The following GPS1 variants were observed in gnomAD, a reference collection of about 807,000 sequenced individuals.
GPS1 encodes the protein COP9 signalosome complex subunit 1.
A neutral mutation model predicts 60.0 loss-of-function variants in GPS1; 11 were observed. That is an observed-to-expected ratio of 0.18 (90% CI 0.12 to 0.30). GPS1 has a LOEUF of 0.30. Ranked by LOEUF, GPS1 falls within the 10% of genes least tolerant of loss-of-function variation. GPS1 has a pLI of 1.00. For synonymous variants in GPS1, 343 were observed against 269.8 expected (o/e 1.27, Z -2.66); for missense variants, 543 against 669.2 (o/e 0.81, Z 2.08).
At chr17:82,052,412 G>A (rs1257135926) in intron 1 of GPS1, 4 of 1,611,546 alleles carry the variant, frequency 2.5e-6, no homozygotes, top group African/African-American at 2.7e-5. Flanking sequence ...CACGGCCGGG[G>A]ACTTCAGCCT....
In GPS1 at chr17:82,056,921, G is replaced by A. The variant is rs879157716; in HGVS notation, c.1336G>A (p.Ala446Thr). Residue 446 changes from alanine to threonine, a missense_variant, in exon 12 of 13, where the codon GCC becomes ACC. Ala to Thr is a moderately conservative substitution (Grantham distance 58, BLOSUM62 0). Coordinates refer to ENST00000578552, the MANE Select transcript of GPS1 (RefSeq NM_001321092.3). ...LLMGKEFQRR[A>T]KAMMLRAAVL... is the part of the protein sequence containing the mutation. ...GATGGGCAAGGAGTTCCAGCGCCGC[G>A]CCAAGGCCATGATGCTGCGGGCAGC... is the stretch of plus-strand genomic sequence containing the variant. The A allele has an allele frequency of 5.6e-6, 9 of 1,612,830 alleles. No individual in the cohort carries two copies. Among genetic ancestry groups the A allele is most frequent in the Non-Finnish European group, 5.9e-6 (7 of 1,179,964 alleles).
At position 82,053,921 on chromosome 17, in the gene GPS1, G is replaced by A; in HGVS notation, c.180G>A (p.Leu60=). 6.2e-7 allele frequency: 1 copy of A among 1,612,880 alleles called. No individual in the cohort carries two copies. Among genetic ancestry groups the A allele is most frequent in the Non-Finnish European group, 8.5e-7 (1 of 1,179,942 alleles). ...SYSGLMRIER[L]QFIADHCPTL... ...GCGGCCTGATGCGCATCGAACGGCTGCAGTTCATTGCTGATCACTGCCCCA... is the reference window on the plus strand; with the variant it reads ...GCGGCCTGATGCGCATCGAACGGCTACAGTTCATTGCTGATCACTGCCCCA... The change falls in exon 3 of 13, where the codon CTG becomes CTA. Residue 60 remains leucine, a synonymous_variant. Coordinates refer to ENST00000578552, the MANE Select transcript of GPS1 (RefSeq NM_001321092.3).
Position 82,054,724 on chromosome 17 carries a change from A to G in GPS1, c.523A>G (p.Ser175Gly), listed in dbSNP as rs770776929. 6.2e-7 allele frequency: 1 copy of G among 1,612,394 alleles called. No homozygotes were observed. The highest frequency in any genetic ancestry group is 2.2e-5 in the East Asian group (1 of 44,884). The change falls in exon 4 of 13, where the codon AGC becomes GGC. Residue 175 changes from serine to glycine, a missense_variant. Physicochemically the swap from Ser to Gly is moderately conservative, Grantham distance 56. Transcript: ENST00000578552. Reference sequence around the variant, plus strand: ...CCACTACCTGGACTGTGGGGACCTCAGCAACGCCCTCAAGTGCTATTCCCG... The same window carrying G: ...CCACTACCTGGACTGTGGGGACCTCGGCAACGCCCTCAAGTGCTATTCCCG... ...GDHYLDCGDL[S>G]NALKCYSRAR...
At chr17:82,052,327 C>T (rs747561442) in intron 1 of GPS1, 2 of 1,613,020 alleles carry the variant, frequency 1.2e-6, no homozygotes, top group African/African-American at 2.7e-5. Context: ...GCTCGGCCCC[C>T]AGCTCGGCCT....
At chr17:82,054,447 C>T in intron 3 of GPS1, 63 bp from the exon 4 acceptor site, 1 of 1,439,176 alleles carries the variant, frequency 6.9e-7, no homozygotes, top group Non-Finnish European at 9.1e-7. Context: ...AGATTGGCGG[C>T]TTCCTCCCCT....
intron 2 of GPS1, 88 bp from the exon 3 acceptor site, chr17:82,053,780 C>A: frequency 7.6e-7 from 1 of 1,314,740 alleles, no homozygotes; most frequent in Non-Finnish European, 1.0e-6. Flanking sequence ...CTGGCTAGGA[C>A]AGTCAGGCCC....
chr17:82,051,778 G>C, upstream of GPS1: 1 of 1,112,998 alleles, frequency 9.0e-7, no homozygotes, highest in South Asian at 4.3e-5. The surrounding 1 kb of genome is among the most constrained non-coding windows in gnomAD (Gnocchi z 4.1). Context: ...CGGCCGCCGG[G>C]ACCCCCGGCG....
upstream of GPS1, chr17:82,051,527 G>A (rs903548286): frequency 1.4e-6 from 2 of 1,400,060 alleles, no homozygotes; most frequent in South Asian, 1.5e-5. This position sits in a 1 kb window ranked among gnomAD's most constrained non-coding sequence, Gnocchi z 4.1. Flanking sequence ...AGATCCAGGT[G>A]CGCAGCAGCA....
intron 1 of GPS1, chr17:82,052,263 C>G: frequency 1.2e-6 from 2 of 1,611,068 alleles, no homozygotes; most frequent in Non-Finnish European, 1.7e-6. Context: ...CAGCAGCCAG[C>G]CAGCTCTGTG....
upstream of GPS1, chr17:82,051,368 T>A (rs764706021): frequency 6.9e-7 from 1 of 1,456,364 alleles, no homozygotes; most frequent in Non-Finnish European, 9.0e-7. The surrounding 1 kb of genome is among the most constrained non-coding windows in gnomAD (Gnocchi z 4.1). Flanking sequence ...TCTATGAGGC[T>A]TCTGGGGCGC....
At chr17:82,055,437 G>A (rs1019293585) in intron 6 of GPS1, 3 of 628,464 alleles carry the variant, frequency 4.8e-6, no homozygotes, top group Non-Finnish European at 8.5e-6. Flanking sequence ...TGCTGTCACT[G>A]TGGGCGTGAG....
chr17:82,052,109 G>T, intron 1 of GPS1, 145 bp downstream of exon 1: 1 of 816,726 alleles, frequency 1.2e-6, no homozygotes, highest in African/African-American at 1.8e-5. Context: ...AGCGCGCGTC[G>T]GGGGCTGCAG....
At position 82,055,220 on chromosome 17, in the gene GPS1, C is replaced by T. The variant is rs750722265; in HGVS notation, c.746C>T (p.Ala249Val). Residue 249 changes from alanine (A) to valine (V), a missense_variant and splice_region_variant, in exon 6 of 13, where the codon GCA (alanine) becomes GTA (valine). Ala to Val is a moderately conservative substitution (Grantham distance 64). This residue lies in a region of GPS1 where 291 missense variants were observed against 353.7 expected (regional missense o/e 0.82). Transcript: ENST00000578552. ...ATCCTCACCAAGCTCAAGTGTGCCG[C>T]AGGTGAGGGCCTGGGTCACGCCCAG... ...QAILTKLKCA[A>V]GLAELAARKY... 4 of 1,553,080 alleles carry T rather than the reference C, an allele frequency of 2.6e-6. No homozygotes were observed. The highest frequency in any genetic ancestry group is 3.5e-6 in the Non-Finnish European group (4 of 1,148,370).
At chr17:82,052,266 G>C (rs767344099) in intron 1 of GPS1, 23 of 1,611,512 alleles carry the variant, frequency 1.4e-5, no homozygotes, top group Non-Finnish European at 3.4e-6. Flanking sequence ...CAGCCAGCCA[G>C]CTCTGTGTCA....
rs142162367 is a variant in GPS1 at position 82,054,906 on chromosome 17, C to G, written c.618C>G (p.Val206=). ...NMCLNVIKVS[V]YLQNWSHVLS... Reference sequence around the variant, plus strand: ...CTGCGCCCCCCCGCCAGGTCAGCGTCTACTTGCAGAATTGGTCTCATGTGC... The same window carrying G: ...CTGCGCCCCCCCGCCAGGTCAGCGTGTACTTGCAGAATTGGTCTCATGTGC... Residue 206 remains valine (V), a synonymous_variant, in exon 5 of 13, where the codon GTC becomes GTG. Coordinates refer to ENST00000578552, the MANE Select transcript of GPS1 (RefSeq NM_001321092.3). 1.3e-6 allele frequency: 2 copies of G among 1,591,614 alleles called. No homozygotes were observed. The highest frequency in any genetic ancestry group is 2.7e-5 in the African/African-American group (2 of 74,566).
intron 1 of GPS1, chr17:82,052,283 G>A (rs1306195226): frequency 6.2e-7 from 1 of 1,612,464 alleles, no homozygotes; most frequent in East Asian, 2.2e-5. Context: ...GTCAGGGTCG[G>A]GGGGTGCAGA....
chr17:82,053,589 C>G (rs933782855), intron 2 of GPS1: 4 of 521,798 alleles, frequency 7.7e-6, no homozygotes, highest in Non-Finnish European at 1.3e-5. Flanking sequence ...AGGTCTCCTC[C>G]CCGCTCAGCC....
Position 82,057,059 on chromosome 17 carries a change from C to G in GPS1, c.1396C>G (p.Pro466Ala). 1.3e-6 allele frequency: 2 copies of G among 1,595,616 alleles called. No homozygotes were observed. Among genetic ancestry groups the G allele is most frequent in the Non-Finnish European group, 1.7e-6 (2 of 1,169,182 alleles). ...LRNQIHVKSP[P>A]REGSQGELTP... Reference sequence around the variant, plus strand: ...CTCCTTGTCTCCCCTGCAGTCCCCGCCCAGAGAAGGGAGCCAGGGGGAGCT... The same window carrying G: ...CTCCTTGTCTCCCCTGCAGTCCCCGGCCAGAGAAGGGAGCCAGGGGGAGCT... Residue 466 changes from proline to alanine, a missense_variant, in exon 13 of 13, where the codon CCC (proline) becomes GCC (alanine). Physicochemically the swap from Pro to Ala is conservative, Grantham distance 27. Transcript: ENST00000578552.
chr17:82,052,046 G>C (rs1331480943), intron 1 of GPS1, 82 bp downstream of exon 1: 2 of 1,030,644 alleles, frequency 1.9e-6, no homozygotes, highest in South Asian at 4.6e-5. Flanking sequence ...GCAGGGGCGC[G>C]GGGCCTGCGC....
Sources: gnomAD v4.1 joint callset for allele counts on GRCh38, gnomAD v4.1.1 for gene constraint, gnomAD v4.1.1 regional missense constraint, Gnocchi (gnomAD v3.1) non-coding constraint, MANE v1.5 for transcripts, NCBI Gene and HGNC (gene_info 2026-07-23, HGNC 2026-07-21) for gene names.